The following MEI4 variants were observed in gnomAD, a reference collection of about 807,000 sequenced individuals.
MEI4 encodes the protein meiotic double-stranded break formation protein 4.
A neutral mutation model predicts 31.4 loss-of-function variants in MEI4; 27 were observed. The observed-to-expected ratio is 0.86, with a 90% CI of 0.63 to 1.19. MEI4 has a LOEUF of 1.19. MEI4 is among the 50% of genes most tolerant of loss of function. The pLI, the probability that MEI4 is intolerant of heterozygous loss-of-function variation, is 0.00. For missense variants in MEI4, 329 were observed against 398.9 expected (o/e 0.82, Z 1.49); for synonymous variants, 122 against 145.4 (o/e 0.84, Z 1.16).
intron 1 of MEI4, among the ~76,000 whole-genome samples, chr6:77,665,949 G>A (rs1768622854): frequency 1.3e-5 from 2 of 152,240 alleles, no homozygotes; most frequent in South Asian, 2.1e-4. Context: ...AGGAGGACAG[G>A]GGATTGATTT....
chr6:77,793,727 A>C (rs986189507), intron 3 of MEI4, among the ~76,000 whole-genome samples: 2 of 152,186 alleles, frequency 1.3e-5, no homozygotes, highest in Non-Finnish European at 2.9e-5. Context: ...TTCAACTAGA[A>C]TGTTACAAAT....
At chr6:77,788,118 A>G (rs1251495993) in intron 3 of MEI4, among the ~76,000 whole-genome samples, 1 of 152,202 alleles carries the variant, frequency 6.6e-6, no homozygotes, top group African/African-American at 2.4e-5. Flanking sequence ...CAATAAATGT[A>G]ATCCAGCATA....
At chr6:77,777,611 C>A (rs1315667738) in intron 3 of MEI4, among the ~76,000 whole-genome samples, 12 of 152,160 alleles carry the variant, frequency 7.9e-5, no homozygotes, top group African/African-American at 2.7e-4. Flanking sequence ...TACACTAAAG[C>A]TTACAGTGCA....
At chr6:77,698,842 GGATAA>G (rs1163306061) in intron 2 of MEI4, among the ~76,000 whole-genome samples, 1 of 152,110 alleles carries the variant, frequency 6.6e-6, no homozygotes, top group Non-Finnish European at 1.5e-5. Context: ...AAGTTCTCCT[GGATAA>G]TATCCTGCAG....
At chr6:77,801,027 C>A (rs1769240399) in intron 3 of MEI4, among the ~76,000 whole-genome samples, 1 of 151,300 alleles carries the variant, frequency 6.6e-6, no homozygotes, top group Non-Finnish European at 1.5e-5. Flanking sequence ...AGGGAGGATT[C>A]CCTCTTTTTC....
chr6:77,809,921 G>A (rs1210173994), intron 3 of MEI4, among the ~76,000 whole-genome samples: 2 of 152,086 alleles, frequency 1.3e-5, no homozygotes, highest in Admixed American at 6.6e-5. Flanking sequence ...AGCTCTAGTT[G>A]TGTGGCTCAG....
At chr6:77,760,222 A>G (rs1285762593) in intron 2 of MEI4, among the ~76,000 whole-genome samples, 2 of 151,056 alleles carry the variant, frequency 1.3e-5, no homozygotes, top group Admixed American at 6.6e-5. Flanking sequence ...ATGTATATAC[A>G]TATATATACA....
At chr6:77,850,549 T>A (rs2127718077) in intron 4 of MEI4, among the ~76,000 whole-genome samples, 1 of 152,292 alleles carries the variant, frequency 6.6e-6, no homozygotes, top group Admixed American at 6.5e-5. Context: ...GATTCCCTAT[T>A]TAACAAATGG....
intron 4 of MEI4, among the ~76,000 whole-genome samples, chr6:77,839,809 C>CA (rs1297955932): frequency 2.6e-5 from 4 of 152,148 alleles, no homozygotes; most frequent in Non-Finnish European, 4.4e-5. Flanking sequence ...TCTATAAAAA[C>CA]AAAACAACTT....
intron 4 of MEI4, among the ~76,000 whole-genome samples, chr6:77,878,395 A>C (rs965951337): frequency 2.2e-4 from 33 of 152,134 alleles, no homozygotes; most frequent in African/African-American, 7.0e-4. Context: ...GGTAAAATTC[A>C]CAATTAATAA....
chr6:77,911,724 T>C (rs1335929493), intron 4 of MEI4, among the ~76,000 whole-genome samples: 1 of 147,694 alleles, frequency 6.8e-6, no homozygotes, highest in Non-Finnish European at 1.5e-5. Flanking sequence ...ATATTTTATT[T>C]ATATATATAA....
chr6:77,682,006 A>G (rs531828978), intron 1 of MEI4, among the ~76,000 whole-genome samples: 3 of 152,242 alleles, frequency 2.0e-5, no homozygotes, highest in Non-Finnish European at 4.4e-5. Flanking sequence ...TATAACAATA[A>G]TTAGGAAATT....
intron 1 of MEI4, among the ~76,000 whole-genome samples, chr6:77,676,399 C>T (rs540506589): frequency 6.0e-4 from 91 of 152,066 alleles, no homozygotes; most frequent in African/African-American, 1.1e-3. Context: ...TGGTGGTGCA[C>T]GCCTGTAGTT....
chr6:77,790,948 C>T lies in MEI4; in HGVS notation c.768+29283C>T, dbSNP rs142661473. Among the ~76,000 whole-genome samples the T allele has an allele frequency of 7.2e-4, 109 of 152,230 alleles. 1 individual carries two copies. The East Asian group carries it at 0.02, about 28-fold the overall frequency. On this transcript the variant is annotated intron_variant, in intron 3 of 4. Transcript: ENST00000684080. ...ATGAAAAAACGCTCATCATCACTGG[C>T]CATCAGAGAAATGCAAATCAAAACC...
At chr6:77,747,060 C>G (rs1161572622) in intron 2 of MEI4, among the ~76,000 whole-genome samples, 1 of 152,006 alleles carries the variant, frequency 6.6e-6, no homozygotes, top group Non-Finnish European at 1.5e-5. Flanking sequence ...GTCTGTAATC[C>G]CAGTACTTTG....
intron 3 of MEI4, among the ~76,000 whole-genome samples, chr6:77,786,270 A>T (rs1198120192): frequency 6.6e-6 from 1 of 152,092 alleles, no homozygotes. Flanking sequence ...GCTGATACTG[A>T]GTGATTTTAT....
chr6:77,906,040 A>G (rs1471262332), intron 4 of MEI4, among the ~76,000 whole-genome samples: 1 of 152,008 alleles, frequency 6.6e-6, no homozygotes, highest in African/African-American at 2.4e-5. Flanking sequence ...TTTTAATACA[A>G]TTTTAATATC....
At chr6:77,727,424 A>G (rs1766856063) in intron 2 of MEI4, among the ~76,000 whole-genome samples, 1 of 152,192 alleles carries the variant, frequency 6.6e-6, no homozygotes, top group African/African-American at 2.4e-5. Context: ...AAGTTATTTG[A>G]AGATATATGT....
At chr6:77,848,258 A>G (rs1028152957) in intron 4 of MEI4, among the ~76,000 whole-genome samples, 2 of 152,152 alleles carry the variant, frequency 1.3e-5, no homozygotes, top group Non-Finnish European at 2.9e-5. Flanking sequence ...AGGTTTTAGA[A>G]CTGGAACACT....
Sources: allele counts gnomAD v4.1 joint callset (sites outside exome capture counted in the v4.1 genomes callset), GRCh38; gene constraint gnomAD v4.1.1; transcripts MANE v1.5; gene names NCBI Gene and HGNC (gene_info 2026-07-23, HGNC 2026-07-21).